SNX14: variants seen among roughly 807,000 people sequenced by gnomAD.
SNX14 encodes the protein sorting nexin-14.
SNX14 carries 93 observed loss-of-function variants against 133.8 expected under a neutral mutation model. The observed-to-expected ratio is 0.70, with a 90% CI of 0.59 to 0.83. The LOEUF is 0.83. Among genes scored for constraint, SNX14 ranks in the 40% least tolerant of loss-of-function variants. SNX14 has a pLI of 0.00. For synonymous variants in SNX14, 368 were observed against 365.6 expected, an observed-to-expected ratio of 1.01 and a Z score of -0.07; for missense variants, 945 against 1,094.9, an observed-to-expected ratio of 0.86 and a Z score of 1.93.
intron 28 of SNX14, among the ~76,000 whole-genome samples, chr6:85,506,400 T>G (rs1219642248): frequency 1.3e-5 from 2 of 151,818 alleles, no homozygotes; most frequent in African/African-American, 4.8e-5. Context: ...CACTGCAACC[T>G]CCTCCTCCCA....
rs1228620961 is a variant in SNX14, at chr6:85,547,305, G to A, written c.993+12C>T. Reference sequence around the variant, plus strand: ...TTTATATCAAAAAGGTGTTATTGCTGAAAATTCTTACAGATGGCTTTTTAT... The same window carrying A: ...TTTATATCAAAAAGGTGTTATTGCTAAAAATTCTTACAGATGGCTTTTTAT... On this transcript the variant is annotated intron_variant, in intron 11 of 28. Coordinates refer to ENST00000314673, the MANE Select transcript of SNX14 (RefSeq NM_153816.6). 6.2e-7 allele frequency: 1 copy of A among 1,612,740 alleles called. No individual in the cohort carries two copies. Among genetic ancestry groups the A allele is most frequent in the African/African-American group, 1.3e-5 (1 of 74,884 alleles).
intron 21 of SNX14, 44 bp downstream of exon 21, chr6:85,526,082 C>G: frequency 7.8e-7 from 1 of 1,275,740 alleles, no homozygotes; most frequent in Non-Finnish European, 1.1e-6. Context: ...AATGCTGATT[C>G]TTTTCAGCTT....
At chr6:85,517,159 T>A (rs1023894581) in intron 23 of SNX14, among the ~76,000 whole-genome samples, 9 of 152,176 alleles carry the variant, frequency 5.9e-5, no homozygotes, top group African/African-American at 1.9e-4. Flanking sequence ...AAATTTTCTA[T>A]CTATATATAC....
intron 5 of SNX14, among the ~76,000 whole-genome samples, chr6:85,566,603 T>C (rs938379985): frequency 6.6e-6 from 1 of 151,432 alleles, no homozygotes; most frequent in African/African-American, 2.4e-5. Context: ...GAGGCTGAGG[T>C]GGGAGGATTG....
At chr6:85,571,851 A>G (rs1325810493) in intron 4 of SNX14, among the ~76,000 whole-genome samples, 1 of 152,180 alleles carries the variant, frequency 6.6e-6, no homozygotes, top group Non-Finnish European at 1.5e-5. Flanking sequence ...TTACAAAATG[A>G]TATTTCTGCT....
intron 1 of SNX14, among the ~76,000 whole-genome samples, chr6:85,585,936 C>A (rs1200227441): frequency 6.9e-6 from 1 of 143,904 alleles, no homozygotes; most frequent in Non-Finnish European, 1.5e-5. Context: ...TGATGTGATG[C>A]AATGGAATGT....
intron 21 of SNX14, among the ~76,000 whole-genome samples, chr6:85,520,515 G>A (rs182263504): frequency 1.3e-5 from 2 of 151,872 alleles, no homozygotes; most frequent in African/African-American, 4.8e-5. Context: ...CCACCACCAT[G>A]CCCAGCTAAT....
At chr6:85,536,458 G>A (rs555981715) in intron 17 of SNX14, among the ~76,000 whole-genome samples, 1 of 152,260 alleles carries the variant, frequency 6.6e-6, no homozygotes, top group African/African-American at 2.4e-5. Flanking sequence ...TGGAGTACAT[G>A]GTGGGAAAAA....
chr6:85,530,119 AT>A (rs1779756194), intron 19 of SNX14, 72 bp downstream of exon 19: 3 of 863,434 alleles, frequency 3.5e-6, no homozygotes, highest in Non-Finnish European at 5.4e-6. Flanking sequence ...AAATAAAAAA[AT>A]TAATCTGGTG....
At chr6:85,512,727 T>C (rs1773386364) in intron 26 of SNX14, among the ~76,000 whole-genome samples, 1 of 152,128 alleles carries the variant, frequency 6.6e-6, no homozygotes, top group African/African-American at 2.4e-5. Context: ...ATTTGTCAGT[T>C]ATAGTTCAGG....
Position 85,547,321 on chromosome 6 carries a change from G to C in SNX14, c.989C>G (p.Pro330Arg), listed in dbSNP as rs769231465. The C allele has an allele frequency of 3.7e-6, 6 of 1,613,214 alleles. No individual in the cohort carries two copies. The Admixed American group carries it at 6.7e-5, about 18-fold the overall frequency. ...GTTATTGCTGAAAATTCTTACAGAT[G>C]GCTTTTTATTTCTAGGTTCTGCAAA... Reference protein sequence around the residue: ...QKFAEPRNKKPSVLKLELKQI... With the variant: ...QKFAEPRNKKRSVLKLELKQI... The change falls in exon 11 of 29, where the codon CCA becomes CGA. Residue 330 changes from proline (P) to arginine (R), a missense_variant. Physicochemically the swap from Pro to Arg is moderately radical, Grantham distance 103. This residue lies in a region of SNX14 where 514 missense variants were observed against 538.8 expected (regional missense o/e 0.95). Coordinates refer to ENST00000314673, the MANE Select transcript of SNX14 (RefSeq NM_153816.6).
At chr6:85,575,490 T>A (rs1243115475) in intron 1 of SNX14, among the ~76,000 whole-genome samples, 1 of 152,202 alleles carries the variant, frequency 6.6e-6, no homozygotes, top group African/African-American at 2.4e-5. Context: ...CAGGAAACCA[T>A]GGAGTTGTGT....
At chr6:85,546,150 G>A (rs1311894367) in intron 12 of SNX14, among the ~76,000 whole-genome samples, 1 of 152,204 alleles carries the variant, frequency 6.6e-6, no homozygotes, top group Admixed American at 6.5e-5. Context: ...GATTGCTTTG[G>A]CAGGAGTAGG....
At chr6:85,575,742 G>C (rs961532634) in intron 1 of SNX14, among the ~76,000 whole-genome samples, 22 of 152,168 alleles carry the variant, frequency 1.4e-4, no homozygotes, top group African/African-American at 5.1e-4. Flanking sequence ...GAGAAGAGTG[G>C]TTATGGCACA....
Position 85,543,650 on chromosome 6 carries a change from C to A in SNX14, c.1219G>T (p.Asp407Tyr). ...YKTYCLDESI[D>Y]KIRFDPFIVE... ...ATGAAGGGATCAAATCTAATTTTGT[C>A]AATACTTTCATCCAAACAGTATGTT... is the stretch of plus-strand genomic sequence containing the variant. Residue 407 changes from aspartate (D) to tyrosine (Y), a missense_variant, in exon 13 of 29, where the codon GAC becomes TAC. By Grantham distance (160) the Asp-to-Tyr change is radical. Coordinates refer to ENST00000314673, the MANE Select transcript of SNX14 (RefSeq NM_153816.6). 6.3e-7 allele frequency: 1 copy of A among 1,587,548 alleles called. No homozygotes were observed. The highest frequency in any genetic ancestry group is 1.2e-5 in the South Asian group (1 of 86,718).
At chr6:85,535,353 G>T (rs533252696) in intron 17 of SNX14, among the ~76,000 whole-genome samples, 2 of 151,620 alleles carry the variant, frequency 1.3e-5, no homozygotes, top group African/African-American at 4.8e-5. Flanking sequence ...AGTGGTTCAC[G>T]CCTGTAGTCT....
chr6:85,527,768 G>A (rs568798908), intron 20 of SNX14, among the ~76,000 whole-genome samples: 3 of 151,998 alleles, frequency 2.0e-5, no homozygotes, highest in East Asian at 3.9e-4. Context: ...TCAACTCCAC[G>A]TAGCAAATAG....
At chr6:85,560,802 G>A (rs1218394375) in intron 6 of SNX14, among the ~76,000 whole-genome samples, 6 of 151,518 alleles carry the variant, frequency 4.0e-5, no homozygotes, top group African/African-American at 1.5e-4. Flanking sequence ...GGGAGACCGA[G>A]GTGGGTGAAT....
intron 1 of SNX14, among the ~76,000 whole-genome samples, chr6:85,578,534 G>A (rs113688038): frequency 3.6e-4 from 55 of 152,222 alleles, no homozygotes; most frequent in African/African-American, 1.2e-3. Flanking sequence ...TCAGTTTTCA[G>A]AATATGAACC....
Sources: allele counts gnomAD v4.1 joint callset (sites outside exome capture counted in the v4.1 genomes callset), GRCh38; gene constraint gnomAD v4.1.1; regional missense constraint gnomAD v4.1.1; transcripts MANE v1.5; gene names NCBI Gene and HGNC (gene_info 2026-07-23, HGNC 2026-07-21).